The following EBPL variants were observed in gnomAD, a reference collection of about 807,000 sequenced individuals.
The protein encoded by EBPL is EBP like.
Under a neutral mutation model 19.0 loss-of-function variants are expected in EBPL, and 20 were observed. The observed-to-expected ratio is 1.05, with a 90% CI of 0.74 to 1.53. The LOEUF is 1.53. Ranked by LOEUF, EBPL falls within the 40% of genes most tolerant of loss-of-function variation. The pLI is 0.00. For missense variants in EBPL, 219 were observed against 261.1 expected (o/e 0.84, Z 1.11); for synonymous variants, 107 against 117.0 (o/e 0.91, Z 0.55).
At chr13:49,668,000 G>C (rs146733516) in intron 2 of EBPL, among the ~76,000 whole-genome samples, 1 of 152,176 alleles carries the variant, frequency 6.6e-6, no homozygotes, top group Non-Finnish European at 1.5e-5. Flanking sequence ...GCTGGGGTCC[G>C]TCAGCCTCTG....
intron 1 of EBPL, among the ~76,000 whole-genome samples, chr13:49,675,875 ATTGT>A (rs1313039058): frequency 2.9e-5 from 3 of 102,958 alleles, no homozygotes; most frequent in Non-Finnish European, 6.9e-5. Context: ...CTTTGTTGTT[ATTGT>A]TTTTTTTTTT....
chr13:49,690,304 T>C (rs1455080927), intron 1 of EBPL, among the ~76,000 whole-genome samples: 1 of 151,218 alleles, frequency 6.6e-6, no homozygotes, highest in Non-Finnish European at 1.5e-5. Context: ...AGCCAACCCG[T>C]AAACATTTAC....
chr13:49,689,485 G>C (rs1954037063), intron 1 of EBPL, among the ~76,000 whole-genome samples: 1 of 152,068 alleles, frequency 6.6e-6, no homozygotes, highest in South Asian at 2.1e-4. Flanking sequence ...GGGTAGCTGA[G>C]ATTATGGGCA....
rs143577601 is a variant in EBPL at position 49,685,081 on chromosome 13, C to T, written c.171+6173G>A. ...CTACCACGCCTGGCTAATTTTTGTA[C>T]GCACCTGGTCAGCAAAGTGAATTTA... On this transcript the variant is annotated intron_variant, in intron 1 of 3. Transcript: ENST00000242827. Among the ~76,000 whole-genome samples, 1,439 of 151,990 alleles carry T rather than the reference C, an allele frequency of 9.5e-3. 16 individuals carry two copies. Among genetic ancestry groups the T allele is most frequent in the South Asian group, 0.018 (85 of 4,808 alleles).
At chr13:49,677,351 C>T (rs1473002904) in intron 1 of EBPL, among the ~76,000 whole-genome samples, 1 of 152,178 alleles carries the variant, frequency 6.6e-6, no homozygotes, top group Non-Finnish European at 1.5e-5. Flanking sequence ...AGATCAAAGT[C>T]AGAAAAAGCA....
chr13:49,678,944 G>A (rs985860349), intron 1 of EBPL, among the ~76,000 whole-genome samples: 1 of 148,264 alleles, frequency 6.7e-6, no homozygotes, highest in Non-Finnish European at 1.5e-5. Context: ...CCTGGCAGGC[G>A]GAGGTTGCAG....
chr13:49,673,992 C>CACACACACACACACCA (rs67640243), intron 1 of EBPL, among the ~76,000 whole-genome samples: 2 of 142,562 alleles, frequency 1.4e-5, no homozygotes, highest in Non-Finnish European at 3.1e-5. Context: ...CACACACACA[C>CACACACACACACACCA]CACACAAAGA....
At chr13:49,662,334 C>T (rs1354883662) in intron 3 of EBPL, among the ~76,000 whole-genome samples, 2 of 152,136 alleles carry the variant, frequency 1.3e-5, no homozygotes, top group African/African-American at 4.8e-5. Flanking sequence ...TCACAATCTG[C>T]TTCTGAGAAG....
intron 1 of EBPL, among the ~76,000 whole-genome samples, chr13:49,673,604 T>C (rs1953842273): frequency 6.6e-6 from 1 of 151,982 alleles, no homozygotes; most frequent in South Asian, 2.1e-4. Context: ...GCCCACCTAA[T>C]TTTTGTATTT....
chr13:49,688,709 A>C (rs1188272270), intron 1 of EBPL, among the ~76,000 whole-genome samples: 2 of 121,004 alleles, frequency 1.7e-5, no homozygotes, highest in African/African-American at 3.5e-5. Context: ...ATAGAGCGAG[A>C]CTCCGTCTCA....
At chr13:49,675,045 G>A (rs747142863) in intron 1 of EBPL, among the ~76,000 whole-genome samples, 1 of 152,144 alleles carries the variant, frequency 6.6e-6, no homozygotes, top group South Asian at 2.1e-4. Context: ...TAGGTACCTC[G>A]TGTAAGTGAA....
At chr13:49,671,664 T>C (rs1041079476) in intron 1 of EBPL, among the ~76,000 whole-genome samples, 1 of 152,162 alleles carries the variant, frequency 6.6e-6, no homozygotes, top group African/African-American at 2.4e-5. Flanking sequence ...AGTGGGGCAA[T>C]GGGGCTGGAC....
chr13:49,691,171 C>G, intron 1 of EBPL, 83 bp downstream of exon 1: 1 of 1,184,572 alleles, frequency 8.4e-7, no homozygotes, highest in Non-Finnish European at 1.1e-6. Flanking sequence ...TGCAAAAAGC[C>G]GCAGGACCCC....
At chr13:49,689,009 A>G (rs1029289086) in intron 1 of EBPL, among the ~76,000 whole-genome samples, 5 of 152,250 alleles carry the variant, frequency 3.3e-5, no homozygotes, top group African/African-American at 1.2e-4. Flanking sequence ...TGTGTCCACT[A>G]ATATGGGCTG....
chr13:49,680,201 A>G (rs780609987), intron 1 of EBPL, among the ~76,000 whole-genome samples: 1 of 152,140 alleles, frequency 6.6e-6, no homozygotes, highest in Admixed American at 6.5e-5. Flanking sequence ...AGCGACCACC[A>G]GGGTAGATCC....
At chr13:49,664,561 T>C (rs1204925632) in intron 2 of EBPL, among the ~76,000 whole-genome samples, 2 of 152,192 alleles carry the variant, frequency 1.3e-5, no homozygotes, top group Non-Finnish European at 2.9e-5. Context: ...CATTAAAAAT[T>C]ATTTAATTAC....
At chr13:49,674,512 T>C (rs2137496711) in intron 1 of EBPL, among the ~76,000 whole-genome samples, 1 of 151,518 alleles carries the variant, frequency 6.6e-6, no homozygotes, top group East Asian at 1.9e-4. Flanking sequence ...AATCTACAAT[T>C]ACCTCAAAAT....
At chr13:49,674,693 A>G (rs1953857598) in intron 1 of EBPL, among the ~76,000 whole-genome samples, 1 of 151,794 alleles carries the variant, frequency 6.6e-6, no homozygotes. Context: ...ATGACTTCCA[A>G]TTCAATAAAG....
At chr13:49,686,302 G>A (rs1047856463) in intron 1 of EBPL, among the ~76,000 whole-genome samples, 30 of 152,040 alleles carry the variant, frequency 2.0e-4, no homozygotes, top group African/African-American at 6.3e-4. Context: ...CTGCCCTGAG[G>A]TGCCTCTGGA....
Sources: allele counts gnomAD v4.1 joint callset (sites outside exome capture counted in the v4.1 genomes callset), GRCh38; gene constraint gnomAD v4.1.1; transcripts MANE v1.5; gene names NCBI Gene and HGNC (gene_info 2026-07-23, HGNC 2026-07-21).